The following TAT variants were observed in gnomAD, a reference collection of about 807,000 sequenced individuals.
TAT encodes the protein L-tyrosine:2-oxoglutarate aminotransferase.
A neutral mutation model predicts 53.6 loss-of-function variants in TAT; 35 were observed. The observed-to-expected ratio is 0.65, with a 90% CI of 0.50 to 0.87. The LOEUF (loss-of-function observed/expected upper bound fraction) is 0.87. TAT is among the 40% of genes least tolerant of loss of function. The probability of loss-of-function intolerance (pLI) is 0.00; values close to 1 mark genes in which losing one functional copy is unlikely to be tolerated. For synonymous variants in TAT, 197 were observed against 206.5 expected (o/e 0.95, Z 0.39); for missense variants, 525 against 571.8 (o/e 0.92, Z 0.83).
chr16:71,570,152 T>TG (rs2044191278), intron 9 of TAT, 117 bp downstream of exon 9: 1 of 1,523,564 alleles, frequency 6.6e-7, no homozygotes, highest in Non-Finnish European at 9.0e-7. Flanking sequence ...CTTACACCGA[T>TG]GCCGTCTCCT....
intron 6 of TAT, 57 bp downstream of exon 6, chr16:71,572,129 A>C (rs1019523463): frequency 5.0e-6 from 8 of 1,612,642 alleles, no homozygotes; most frequent in Admixed American, 3.3e-5. Context: ...GTCATTTCAC[A>C]CAACAGCTGA....
Position 71,570,710 on chromosome 16 carries a change from A to G in TAT, c.881T>C (p.Ile294Thr). The change falls in exon 8 of 12, where the codon ATT becomes ACT. Residue 294 changes from isoleucine to threonine, a missense_variant. Physicochemically the swap from Ile to Thr is moderately conservative, Grantham distance 89 (BLOSUM62 -1). Transcript: ENST00000355962. ...GCCAAAAATGTCTCTTCGGTCATGA[A>G]TGAGGATCCAGCCCAACCTCCAGCC... Reference protein sequence around the residue: ...VPGWRLGWILIHDRRDIFGNE... With the variant: ...VPGWRLGWILTHDRRDIFGNE... The G allele has an allele frequency of 6.2e-7, 1 of 1,614,212 alleles. No individual in the cohort carries two copies. The highest frequency in any genetic ancestry group is 8.5e-7 in the Non-Finnish European group (1 of 1,180,046).
chr16:71,568,666 G>T (rs1470070823), intron 11 of TAT, 45 bp downstream of exon 11: 9 of 1,486,970 alleles, frequency 6.1e-6, no homozygotes, highest in Non-Finnish European at 8.4e-6. Context: ...TGCTTCTGGG[G>T]CTCTAGAAAC....
rs200287466 is a variant in TAT, at chr16:71,576,436, G to C, written c.-12-9C>G. 2.5e-6 allele frequency: 4 copies of C among 1,610,634 alleles called. No homozygotes were observed. ...TCCATCACTAGCGAAGCCTGCGAGG[G>C]GAAAGAAGTTCCCTGTGATGTTGAT... On this transcript the variant is annotated splice_polypyrimidine_tract_variant and intron_variant, in intron 1 of 11. Coordinates refer to ENST00000355962, the MANE Select transcript of TAT (RefSeq NM_000353.3).
intron 3 of TAT, among the ~76,000 whole-genome samples, chr16:71,574,309 G>A (rs971739288): frequency 1.3e-5 from 2 of 151,952 alleles, no homozygotes; most frequent in African/African-American, 4.8e-5. Flanking sequence ...CGCCAGGCGC[G>A]GTGGCTCACG....
chr16:71,576,176 C>T lies in TAT; in HGVS notation c.235+5G>A. ...GACAGCCCCTCAGTAGTGTCCCCAA[C>T]TCACCAATGGACAGGGAAATCATGG... On this transcript the variant is annotated splice_donor_5th_base_variant and intron_variant, in intron 2 of 11. Coordinates refer to ENST00000355962, the MANE Select transcript of TAT (RefSeq NM_000353.3). 1 of 1,613,778 alleles carries T rather than the reference C, an allele frequency of 6.2e-7. No homozygotes were observed. Among genetic ancestry groups the T allele is most frequent in the Non-Finnish European group, 8.5e-7 (1 of 1,179,824 alleles).
At chr16:71,572,044 C>A in intron 6 of TAT, 142 bp downstream of exon 6, 1 of 1,030,092 alleles carries the variant, frequency 9.7e-7, no homozygotes, top group Non-Finnish European at 1.5e-6. Context: ...TCCTATGGCA[C>A]AGTATTGATG....
Position 71,572,813 on chromosome 16 carries a change from A to C in TAT, c.409-125T>G, listed in dbSNP as rs72797767. 0.13 allele frequency: 141,610 copies of C among 1,077,108 alleles called. 12,235 individuals are homozygous for C. The highest frequency in any genetic ancestry group is 0.31 in the South Asian group (23,546 of 74,754). 66.7% of individuals were successfully genotyped at this position (1,077,108 alleles called of 1,614,324 possible). A position where few individuals can be genotyped will look rare whatever the true frequency, so the allele number is the denominator to read the frequency against. On this transcript the variant is annotated intron_variant, in intron 4 of 11. Transcript: ENST00000355962. Reference sequence around the variant, plus strand: ...TTTAACAAGTTGTAAGTAGTAGGAAATGTACTAAGCCAAAACCAAAAGAAA... The same window carrying C: ...TTTAACAAGTTGTAAGTAGTAGGAACTGTACTAAGCCAAAACCAAAAGAAA...
chr16:71,567,885 A>T lies in TAT; in HGVS notation c.*259T>A. 4.1e-6 allele frequency: 2 copies of T among 485,840 alleles called. No individual in the cohort carries two copies. The highest frequency in any genetic ancestry group is 4.7e-5 in the South Asian group (2 of 42,310). The allele number at this position is 485,840 out of a possible 1,614,324, so 30.1% of individuals were successfully genotyped here. On this transcript the variant is annotated 3_prime_UTR_variant, in exon 12 of 12. Coordinates refer to ENST00000355962, the MANE Select transcript of TAT (RefSeq NM_000353.3). Reference sequence around the variant, plus strand: ...GTACTTTCAAGAAAAAAAGAAGGAAATCTTACGAGAGGGAGGCAGATTAAT... The same window carrying T: ...GTACTTTCAAGAAAAAAAGAAGGAATTCTTACGAGAGGGAGGCAGATTAAT...
chr16:71,575,774 T>A, intron 3 of TAT, 148 bp downstream of exon 3: 2 of 883,082 alleles, frequency 2.3e-6, no homozygotes, highest in Non-Finnish European at 3.7e-6. Flanking sequence ...CGAGACCCGG[T>A]TCCCAAATCC....
At chr16:71,568,420 G>A (rs1446836400) in intron 11 of TAT, 136 bp from the exon 12 acceptor site, 1 of 845,926 alleles carries the variant, frequency 1.2e-6, no homozygotes, top group East Asian at 2.6e-5. Flanking sequence ...CCCATGACTG[G>A]GATGCTAAGT....
At position 71,570,282 on chromosome 16, in the gene TAT, A is replaced by C. The variant is rs369341210; in HGVS notation, c.1028T>G (p.Leu343Arg). The change falls in exon 9 of 12, where the codon CTG becomes CGG. Residue 343 changes from leucine to arginine, a missense_variant. Leu to Arg is a moderately radical substitution (Grantham distance 102, BLOSUM62 -2). Transcript: ENST00000355962. ...AGCTGCCCTTACCTTGAGGAAGCTC[A>C]GAGTGTTGTGGTAAAACTCTCCCGG... ...RTPGEFYHNT[L>R]SFLKSNADLC... 1 of 1,614,106 alleles carries C rather than the reference A, an allele frequency of 6.2e-7. No homozygotes were observed. Among genetic ancestry groups the C allele is most frequent in the Non-Finnish European group, 8.5e-7 (1 of 1,180,050 alleles).
chr16:71,570,765 CA>C lies in TAT; in HGVS notation c.825del (p.Cys275TrpfsTer36), dbSNP rs2145231253. The C allele has an allele frequency of 6.2e-7, 1 of 1,614,184 alleles. No homozygotes were observed. The highest frequency in any genetic ancestry group is 8.5e-7 in the Non-Finnish European group (1 of 1,180,034). Reference protein sequence around the residue: ...TLSTDVPILSCGGLAKRWLVP... With the variant: ...TLSTDVPILSXGGLAKRWLVP... ...ACCAGCCAGCGCTTGGCCAGCCCTC[CA>C]CAGGACAGGATGGGGACATCGGTGC... On this transcript the variant is annotated frameshift_variant, in exon 8 of 12. Coordinates refer to ENST00000355962, the MANE Select transcript of TAT (RefSeq NM_000353.3). LOFTEE classifies it high-confidence loss of function.
Position 71,566,201 on chromosome 16 carries a change from G to C in TAT, c.*1943C>G, listed in dbSNP as rs2145226727. The C allele has an allele frequency of 6.6e-6, 1 of 151,944 alleles. No individual in the cohort carries two copies. The highest frequency in any genetic ancestry group is 2.1e-4 in the South Asian group (1 of 4,810). 9.4% of individuals were successfully genotyped at this position (151,944 alleles called of 1,614,324 possible). A position where few individuals can be genotyped will look rare whatever the true frequency, so the allele number is the denominator to read the frequency against. On this transcript the variant is annotated 3_prime_UTR_variant, in exon 12 of 12. Coordinates refer to ENST00000355962, the MANE Select transcript of TAT (RefSeq NM_000353.3). ...TTGGATTTGCTGAAGAAAATTAAAA[G>C]GTAAATTTTGCTGTGAGCTCACTGA... is the stretch of plus-strand genomic sequence containing the variant.
rs71389677 is a variant in TAT, at chr16:71,574,581, CAAAAAAAAAAAA to C, written c.341-987_341-976del. On this transcript the variant is annotated intron_variant, in intron 3 of 11. Transcript: ENST00000355962. ...GGCAACAAGAGCGAAAACTTCGTCT[CAAAAAAAAAAAA>C]AAAAAAAAAAAAAGAAGTTGTAATC... Among the ~76,000 whole-genome samples, 95 of 79,812 alleles carry C rather than the reference CAAAAAAAAAAAA, an allele frequency of 1.2e-3. 1 individual carries two copies. In the East Asian group the frequency reaches 0.043, roughly 36 times the overall value. The allele number at this position is 79,812 out of a possible 152,430, so 52.4% of individuals were successfully genotyped here.
chr16:71,570,580 A>T, intron 8 of TAT, 99 bp downstream of exon 8: 1 of 1,587,012 alleles, frequency 6.3e-7, no homozygotes, highest in African/African-American at 1.3e-5. Context: ...TGCTTGACTG[A>T]CAAGGAGAAA....
At chr16:71,569,764 C>G in intron 10 of TAT, 90 bp downstream of exon 10, 1 of 1,258,702 alleles carries the variant, frequency 7.9e-7, no homozygotes, top group Non-Finnish European at 1.1e-6. Context: ...GTCTTTGTAC[C>G]CTGCGTGACT....
At chr16:71,569,396 G>C (rs924268793) in intron 10 of TAT, among the ~76,000 whole-genome samples, 2 of 151,868 alleles carry the variant, frequency 1.3e-5, no homozygotes, top group Admixed American at 6.6e-5. Flanking sequence ...GAGTACAGTG[G>C]CACGATTATG....
At chr16:71,576,577 A>G in intron 1 of TAT, 150 bp from the exon 2 acceptor site, 1 of 731,920 alleles carries the variant, frequency 1.4e-6, no homozygotes, top group Non-Finnish European at 2.3e-6. Context: ...GTTGTAAAGT[A>G]GCTTTACTAT....
Sources: allele counts gnomAD v4.1 joint callset (sites outside exome capture counted in the v4.1 genomes callset), GRCh38; gene constraint gnomAD v4.1.1; transcripts MANE v1.5; gene names NCBI Gene and HGNC (gene_info 2026-07-23, HGNC 2026-07-21).